MYOM2: variants seen among roughly 807,000 people sequenced by gnomAD.
MYOM2 encodes myomesin 2.
MYOM2 carries 254 observed loss-of-function variants against 187.6 expected under a neutral mutation model. That is an observed-to-expected ratio of 1.35 (90% CI 1.22 to 1.50). The LOEUF (loss-of-function observed/expected upper bound fraction) is 1.50. MYOM2 is among the 40% of genes most tolerant of loss of function. The pLI, the probability that MYOM2 is intolerant of heterozygous loss-of-function variation, is 0.00. For missense variants in MYOM2, 2,796 were observed against 1,924.0 expected (o/e 1.45, Z -8.48); for synonymous variants, 981 against 753.8 (o/e 1.30, Z -4.94).
At chr8:2,096,505 G>T (rs116593135) in intron 18 of MYOM2, 71 bp downstream of exon 18, 12 of 1,439,164 alleles carry the variant, frequency 8.3e-6, no homozygotes, top group Non-Finnish European at 1.1e-5. Context: ...ATGTTTCTGC[G>T]TTTGATGACA....
intron 32 of MYOM2, among the ~76,000 whole-genome samples, chr8:2,134,987 C>T (rs73657749): frequency 0.13 from 19,745 of 151,998 alleles, 2,162 homozygotes; most frequent in African/African-American, 0.28. Flanking sequence ...CACACGGAGG[C>T]ACACACTCGC....
At chr8:2,068,190 G>C (rs951749344) in intron 6 of MYOM2, among the ~76,000 whole-genome samples, 3 of 151,842 alleles carry the variant, frequency 2.0e-5, no homozygotes, top group Non-Finnish European at 4.4e-5. Context: ...ACCAGGCCGA[G>C]AGCATCCTGG....
intron 3 of MYOM2, among the ~76,000 whole-genome samples, chr8:2,055,209 G>T (rs1020699373): frequency 2.0e-5 from 3 of 152,170 alleles, no homozygotes; most frequent in Non-Finnish European, 4.4e-5. Flanking sequence ...CGCTTTGTTG[G>T]GATTCAGAGT....
intron 28 of MYOM2, among the ~76,000 whole-genome samples, chr8:2,121,724 A>C (rs1490849128): frequency 8.0e-6 from 1 of 124,672 alleles, no homozygotes; most frequent in East Asian, 2.3e-4. Flanking sequence ...TAAAAGTTTC[A>C]GACACAGAGA....
At chr8:2,065,938 C>T (rs1332143137) in intron 6 of MYOM2, among the ~76,000 whole-genome samples, 2 of 152,156 alleles carry the variant, frequency 1.3e-5, no homozygotes, top group South Asian at 4.1e-4. Context: ...GGGGAGATTC[C>T]AGTTGAGAGC....
chr8:2,068,270 G>C (rs1483560273), intron 6 of MYOM2, among the ~76,000 whole-genome samples: 1 of 150,964 alleles, frequency 6.6e-6, no homozygotes, highest in Non-Finnish European at 1.5e-5. Context: ...ATGCCTGTGT[G>C]CACCAGGCAG....
chr8:2,099,081 G>A (rs1283997387), intron 19 of MYOM2, 98 bp downstream of exon 19: 8 of 1,421,038 alleles, frequency 5.6e-6, no homozygotes, highest in African/African-American at 1.4e-5. Context: ...CCTTCACAGC[G>A]TGTCTGTTCC....
At chr8:2,140,955 G>A in intron 33 of MYOM2, 69 bp downstream of exon 33, 2 of 1,480,682 alleles carry the variant, frequency 1.4e-6, no homozygotes, top group Admixed American at 2.0e-5. Flanking sequence ...TGAAGGGAGG[G>A]AATACAATAT....
At chr8:2,067,641 C>T (rs1174307285) in intron 6 of MYOM2, among the ~76,000 whole-genome samples, 1 of 152,186 alleles carries the variant, frequency 6.6e-6, no homozygotes, top group East Asian at 1.9e-4. Context: ...AGACAGTTCA[C>T]AGCCAAGAAG....
At position 2,090,112 on chromosome 8, in the gene MYOM2, C is replaced by G; in HGVS notation, c.1749C>G (p.Phe583Leu). The G allele has an allele frequency of 6.2e-7, 1 of 1,614,050 alleles. No individual in the cohort carries two copies. Among genetic ancestry groups the G allele is most frequent in the Non-Finnish European group, 8.5e-7 (1 of 1,180,014 alleles). Residue 583 changes from phenylalanine to leucine, a missense_variant, in exon 15 of 37, where the codon TTC (phenylalanine) becomes TTG (leucine). Transcript: ENST00000262113. The part of the protein sequence containing the change: ...FDLMEGKSYV[F>L]RVLSANRHGL... Reference sequence around the variant, plus strand: ...TCATGGAAGGGAAGTCTTATGTGTTCCGAGTGCTGTCAGCAAACCGGCATG... The same window carrying G: ...TCATGGAAGGGAAGTCTTATGTGTTGCGAGTGCTGTCAGCAAACCGGCATG...
chr8:2,119,944 T>G (rs1160315377), intron 28 of MYOM2, among the ~76,000 whole-genome samples: 4 of 151,916 alleles, frequency 2.6e-5, no homozygotes, highest in African/African-American at 9.7e-5. Context: ...GCCCGTTGGT[T>G]TCACACTCTT....
chr8:2,090,385 C>T (rs543349011), intron 15 of MYOM2, among the ~76,000 whole-genome samples, 194 bp downstream of exon 15: 3 of 152,336 alleles, frequency 2.0e-5, no homozygotes, highest in Admixed American at 6.5e-5. Flanking sequence ...TTCTCCAAAG[C>T]TCCATCTTCT....
rs745632633 is a variant in MYOM2, at chr8:2,072,503, C to A, written c.952C>A (p.Arg318Ser). 3 of 1,612,958 alleles carry A rather than the reference C, an allele frequency of 1.9e-6. No homozygotes were observed. The highest frequency in any genetic ancestry group is 2.5e-6 in the Non-Finnish European group (3 of 1,179,954). The change falls in exon 9 of 37, where the codon CGC becomes AGC. Residue 318 changes from arginine to serine, a missense_variant. Arg to Ser is a moderately radical substitution (Grantham distance 110). Coordinates refer to ENST00000262113, the MANE Select transcript of MYOM2 (RefSeq NM_003970.4). ...GGTGCAGCCGCGCGCCGAGTGGTACCGCGATGGTGAGTAGGACACGGCCCA... is the reference window on the plus strand; with the variant it reads ...GGTGCAGCCGCGCGCCGAGTGGTACAGCGATGGTGAGTAGGACACGGCCCA... Reference protein sequence around the residue: ...KRVQPRAEWYRDDVLLKESKW... With the variant: ...KRVQPRAEWYSDDVLLKESKW...
At chr8:2,093,923 A>G in intron 16 of MYOM2, 47 bp from the exon 17 acceptor site, 1 of 1,592,812 alleles carries the variant, frequency 6.3e-7, no homozygotes, top group East Asian at 2.3e-5. Context: ...TGCAGGAGAG[A>G]AAAAGTGGAG....
rs186841300 is a variant in MYOM2, at chr8:2,068,841, C to A, written c.654-437C>A. Among the ~76,000 whole-genome samples, 60 of 152,344 alleles carry A rather than the reference C, an allele frequency of 3.9e-4. 1 individual carries two copies. The highest frequency in any genetic ancestry group is 1.3e-3 in the African/African-American group (55 of 41,598). Reference sequence around the variant, plus strand: ...GCAGCATCCTGGCTCCTACACGGAGCAGGTCCACGGCTCTCCCAGGCAGGC... The same window carrying A: ...GCAGCATCCTGGCTCCTACACGGAGAAGGTCCACGGCTCTCCCAGGCAGGC... On this transcript the variant is annotated intron_variant, in intron 6 of 36. Coordinates refer to ENST00000262113, the MANE Select transcript of MYOM2 (RefSeq NM_003970.4).
At chr8:2,052,411 G>C (rs1818522655) in intron 3 of MYOM2, 98 bp downstream of exon 3, 2 of 1,302,464 alleles carry the variant, frequency 1.5e-6, no homozygotes, top group Non-Finnish European at 2.0e-6. Context: ...AGCTGAGAGG[G>C]AAGATCAAGG....
intron 25 of MYOM2, among the ~76,000 whole-genome samples, chr8:2,114,226 A>G (rs1797162624): frequency 6.6e-6 from 1 of 152,216 alleles, no homozygotes. Context: ...AAGGCATGAA[A>G]TGTATCCCTG....
rs1797230376 is a variant in MYOM2, at chr8:2,116,026, G to T, written c.3247G>T (p.Glu1083Ter). Residue 1083 changes from glutamate (E) to a stop codon, truncating the protein, a stop_gained, in exon 26 of 37, where the codon GAA becomes TAA. Transcript: ENST00000262113. LOFTEE classifies it high-confidence loss of function. ...IEMVMDRFSI[E>*]NEGTYTVQIH... ...GATGGTGATGGATCGATTTAGTATT[G>T]AAAATGAGGGGACCTACACTGTGCA... 4 of 1,614,086 alleles carry T rather than the reference G, an allele frequency of 2.5e-6. No homozygotes were observed. The highest frequency in any genetic ancestry group is 3.4e-6 in the Non-Finnish European group (4 of 1,180,016).
Position 2,141,265 on chromosome 8 carries a change from C to G in MYOM2, c.4001+88C>G, listed in dbSNP as rs879671736. ...CTGCATGTGGGAATCTGTATGGAAG[C>G]CTGGGTGACCTAAAGAAAGAGCCAT... is the stretch of plus-strand genomic sequence containing the variant. On this transcript the variant is annotated intron_variant, in intron 34 of 36. Transcript: ENST00000262113. 5 of 1,143,836 alleles carry G rather than the reference C, an allele frequency of 4.4e-6. No homozygotes were observed. The Admixed American group carries it at 9.5e-5, about 22-fold the overall frequency. The allele number at this position is 1,143,836 out of a possible 1,614,324, so 70.9% of individuals were successfully genotyped here. A position where few individuals can be genotyped will look rare whatever the true frequency, so the allele number is the denominator to read the frequency against.
Sources: gnomAD v4.1 joint callset for allele counts (sites outside exome capture counted in the v4.1 genomes callset) on GRCh38, gnomAD v4.1.1 for gene constraint, MANE v1.5 for transcripts, NCBI Gene and HGNC (gene_info 2026-07-23, HGNC 2026-07-21) for gene names.